The following OXR1 variants were observed in gnomAD, a reference collection of about 807,000 sequenced individuals.
The protein encoded by OXR1 is oxidation resistance protein 1.
In OXR1, 41 loss-of-function variants were observed where a neutral mutation model predicts 104.6. The observed-to-expected ratio is 0.39, with a 90% CI of 0.31 to 0.51. The LOEUF (loss-of-function observed/expected upper bound fraction) is 0.51, where lower values mean the gene tolerates loss of function less well. Ranked by LOEUF, OXR1 falls within the 20% of genes least tolerant of loss-of-function variation. The pLI, the probability that OXR1 is intolerant of heterozygous loss-of-function variation, is 0.77. For missense variants in OXR1, 955 were observed against 1,031.9 expected (o/e 0.93, Z 1.02); for synonymous variants, 348 against 348.4 (o/e 1.00, Z 0.01).
At chr8:106,298,318 AC>A (rs1196896098) in intron 1 of OXR1, among the ~76,000 whole-genome samples, 1 of 152,198 alleles carries the variant, frequency 6.6e-6, no homozygotes, top group Non-Finnish European at 1.5e-5. Context: ...GAGCAAAGGC[AC>A]ATCTTACATG....
intron 3 of OXR1, among the ~76,000 whole-genome samples, chr8:106,567,484 G>A (rs1817166467): frequency 6.6e-6 from 1 of 151,984 alleles, no homozygotes; most frequent in African/African-American, 2.4e-5. Context: ...TCATTTTTTA[G>A]CCTCATCTGT....
chr8:106,730,112 G>T (rs1211690421), intron 11 of OXR1, among the ~76,000 whole-genome samples: 1 of 151,986 alleles, frequency 6.6e-6, no homozygotes, highest in Non-Finnish European at 1.5e-5. Context: ...TAGGTTTACA[G>T]AAAAATTGAA....
chr8:106,735,212 C>CT (rs200691150), intron 11 of OXR1, among the ~76,000 whole-genome samples: 104 of 145,544 alleles, frequency 7.1e-4, no homozygotes, highest in South Asian at 5.9e-3. Context: ...AACTCACAGA[C>CT]TTTTTTTTTT....
At chr8:106,518,622 T>G (rs1038105933) in intron 2 of OXR1, among the ~76,000 whole-genome samples, 1 of 152,186 alleles carries the variant, frequency 6.6e-6, no homozygotes, top group African/African-American at 2.4e-5. Flanking sequence ...AAAAATTCCT[T>G]TCAGAACTAA....
chr8:106,394,451 T>C (rs1817701577), intron 2 of OXR1, among the ~76,000 whole-genome samples: 1 of 152,086 alleles, frequency 6.6e-6, no homozygotes, highest in Non-Finnish European at 1.5e-5. Context: ...TGATAATCAT[T>C]ATCATTAAAA....
chr8:106,359,457 T>G lies in OXR1; in HGVS notation c.-138-19T>G. ...TAGACCAGGTACTAGAGATATTCAT[T>G]TATTTCTTTTCTTTATAGGTCCTCT... is the stretch of plus-strand genomic sequence containing the variant. On this transcript the variant is annotated intron_variant, in intron 1 of 16. Coordinates refer to ENST00000517566, the MANE Select transcript of OXR1 (RefSeq NM_001198533.2). 1.6e-6 allele frequency: 1 copy of G among 622,026 alleles called. No homozygotes were observed. The highest frequency in any genetic ancestry group is 2.9e-6 in the Non-Finnish European group (1 of 344,750). 38.5% of individuals were successfully genotyped at this position (622,026 alleles called of 1,614,324 possible).
chr8:106,277,950 G>T (rs1563690681), intron 1 of OXR1, among the ~76,000 whole-genome samples: 1 of 152,156 alleles, frequency 6.6e-6, no homozygotes, highest in South Asian at 2.1e-4. Flanking sequence ...AAAATTGAGG[G>T]ATTGCTGTTT....
intron 3 of OXR1, among the ~76,000 whole-genome samples, chr8:106,530,764 T>G (rs1317750204): frequency 1.3e-5 from 2 of 152,186 alleles, no homozygotes; most frequent in African/African-American, 2.4e-5. Flanking sequence ...AGCTTTAAAA[T>G]TCACTAACTG....
chr8:106,672,526 GAGAGAGAAAAGAAAA>G (rs1375976290), intron 3 of OXR1, among the ~76,000 whole-genome samples: 1 of 149,370 alleles, frequency 6.7e-6, no homozygotes, highest in Non-Finnish European at 1.5e-5. Flanking sequence ...AAGAGAGAGA[GAGAGAGAAAAGAAAA>G]AGAAAAGAAA....
intron 15 of OXR1, among the ~76,000 whole-genome samples, chr8:106,744,086 AGCTAATGGATGCTGG>A (rs749351216): frequency 6.6e-6 from 1 of 152,210 alleles, no homozygotes; most frequent in Non-Finnish European, 1.5e-5. Flanking sequence ...CAGAAATAAT[AGCTAATGGATGCTGG>A]GCTTAATACC....
At chr8:106,274,638 AAC>A (rs1811963508) in intron 1 of OXR1, among the ~76,000 whole-genome samples, 1 of 127,654 alleles carries the variant, frequency 7.8e-6, no homozygotes, top group African/African-American at 3.0e-5. Context: ...TGTGCATACA[AAC>A]ACAAACAGCT....
chr8:106,360,499 G>A (rs1816194765), intron 2 of OXR1, among the ~76,000 whole-genome samples: 1 of 151,966 alleles, frequency 6.6e-6, no homozygotes, highest in African/African-American at 2.4e-5. Flanking sequence ...TATTTTTAGT[G>A]AAGTCAGCAA....
intron 2 of OXR1, among the ~76,000 whole-genome samples, chr8:106,370,279 C>T (rs539745149): frequency 1.3e-5 from 2 of 152,192 alleles, no homozygotes; most frequent in Non-Finnish European, 2.9e-5. Context: ...AGTTGCTTAT[C>T]AGTTCAAGAA....
At chr8:106,664,287 T>C (rs1213376022) in intron 3 of OXR1, among the ~76,000 whole-genome samples, 1 of 152,224 alleles carries the variant, frequency 6.6e-6, no homozygotes, top group Non-Finnish European at 1.5e-5. Flanking sequence ...TGCAACAGAA[T>C]CATCTCCTGA....
At chr8:106,282,151 G>A (rs932087109) in intron 1 of OXR1, among the ~76,000 whole-genome samples, 1 of 152,116 alleles carries the variant, frequency 6.6e-6, no homozygotes, top group East Asian at 1.9e-4. Flanking sequence ...GACATGGATA[G>A]AATTCAGTTA....
At chr8:106,571,972 A>G (rs1030480564) in intron 3 of OXR1, among the ~76,000 whole-genome samples, 2 of 152,150 alleles carry the variant, frequency 1.3e-5, no homozygotes, top group African/African-American at 4.8e-5. Flanking sequence ...AGAGATGGCA[A>G]TGTCACTCCC....
At chr8:106,717,625 T>A (rs1263627638) in intron 11 of OXR1, among the ~76,000 whole-genome samples, 1 of 152,200 alleles carries the variant, frequency 6.6e-6, no homozygotes, top group Non-Finnish European at 1.5e-5. Context: ...TTTCCCTATG[T>A]AAGTGTCATA....
intron 15 of OXR1, 198 bp downstream of exon 15, chr8:106,742,515 G>A (rs1482830265): frequency 2.2e-6 from 1 of 461,396 alleles, no homozygotes; most frequent in African/African-American, 2.0e-5. Context: ...AAAGAACAAA[G>A]CTGGAGGCAT....
At chr8:106,358,199 G>A (rs901862220) in intron 1 of OXR1, among the ~76,000 whole-genome samples, 12 of 152,180 alleles carry the variant, frequency 7.9e-5, no homozygotes, top group Admixed American at 2.6e-4. Context: ...GAGAAGGGTG[G>A]ACTACAAGAA....
Sources: allele counts gnomAD v4.1 joint callset (sites outside exome capture counted in the v4.1 genomes callset), GRCh38; gene constraint gnomAD v4.1.1; transcripts MANE v1.5; gene names NCBI Gene and HGNC (gene_info 2026-07-23, HGNC 2026-07-21).